ANKFN1: variants seen among roughly 807,000 people sequenced by gnomAD.
The protein encoded by ANKFN1 is ankyrin repeat and fibronectin type III domain containing 1, also known as ankyrin repeat and fibronectin type-III domain-containing protein 1.
A neutral mutation model predicts 108.7 loss-of-function variants in ANKFN1; 74 were observed. The ratio of observed to expected loss-of-function variants is 0.68; its 90% CI spans 0.56 to 0.83. The LOEUF (loss-of-function observed/expected upper bound fraction) is 0.83, where lower values mean the gene tolerates loss of function less well. Among genes scored for constraint, ANKFN1 ranks in the 40% least tolerant of loss-of-function variants. The pLI is 0.00. For missense variants in ANKFN1, 1,505 were observed against 1,382.3 expected (o/e 1.09, Z -1.41); for synonymous variants, 547 against 516.2 (o/e 1.06, Z -0.81).
At chr17:56,497,660 C>T (rs560634742) in intron 19 of ANKFN1, among the ~76,000 whole-genome samples, 5 of 152,086 alleles carry the variant, frequency 3.3e-5, no homozygotes, top group Non-Finnish European at 7.4e-5. Context: ...AGAGATTAAC[C>T]TTGCATGACT....
At chr17:56,091,410 C>T (rs1390262566) in intron 4 of ANKFN1, among the ~76,000 whole-genome samples, 2 of 124,728 alleles carry the variant, frequency 1.6e-5, no homozygotes, top group South Asian at 2.6e-4. Context: ...ATTTTTCTTC[C>T]AAACAAATCA....
chr17:56,058,531 T>C (rs972502694), intron 4 of ANKFN1, among the ~76,000 whole-genome samples: 16 of 146,762 alleles, frequency 1.1e-4, no homozygotes, highest in South Asian at 2.1e-4. Context: ...ATAAATAAAC[T>C]TGTGCCATGG....
At chr17:56,117,496 A>G (rs1016937898) in intron 4 of ANKFN1, among the ~76,000 whole-genome samples, 1 of 152,188 alleles carries the variant, frequency 6.6e-6, no homozygotes, top group Admixed American at 6.5e-5. Flanking sequence ...GGGCATTTGC[A>G]AAATCTAATT....
intron 6 of ANKFN1, among the ~76,000 whole-genome samples, chr17:56,372,118 A>C (rs1402134052): frequency 1.3e-5 from 2 of 152,272 alleles, no homozygotes; most frequent in African/African-American, 4.8e-5. Context: ...TTATGCCTCT[A>C]AGATGTACGT....
chr17:56,111,903 C>A (rs1341456410), intron 4 of ANKFN1, among the ~76,000 whole-genome samples: 1 of 152,180 alleles, frequency 6.6e-6, no homozygotes, highest in African/African-American at 2.4e-5. Flanking sequence ...GCGGCACAGC[C>A]TGCTGAACCA....
In ANKFN1 at chr17:56,466,370, A is replaced by G. The variant is rs746488374; in HGVS notation, c.1572A>G (p.Thr524=). 9.9e-6 allele frequency: 16 copies of G among 1,614,200 alleles called. No homozygotes were observed. The highest frequency in any genetic ancestry group is 1.0e-5 in the Non-Finnish European group (12 of 1,180,016). ...ATAQLQNLLG[T]HNLGRVYYEP... The stretch of plus-strand genomic sequence containing the variant: ...TTTGTTTCCAGAATTTACTTGGGAC[A>G]CACAACTTGGGAAGAGTTTACTATG... Residue 524 remains threonine (T), a synonymous_variant, in exon 15 of 21, where the codon ACA becomes ACG. Transcript: ENST00000682825.
At chr17:56,340,851 G>A (rs1341533444) in intron 4 of ANKFN1, among the ~76,000 whole-genome samples, 2 of 152,094 alleles carry the variant, frequency 1.3e-5, no homozygotes, top group African/African-American at 4.8e-5. Context: ...AATGTGAATG[G>A]TAGTTTAATA....
At chr17:56,484,605 C>G (rs954159532) in intron 18 of ANKFN1, among the ~76,000 whole-genome samples, 1 of 152,068 alleles carries the variant, frequency 6.6e-6, no homozygotes, top group Non-Finnish European at 1.5e-5. Context: ...AGTCAACATC[C>G]AAGTGGACAT....
chr17:56,358,238 C>G (rs1259648940), intron 6 of ANKFN1, among the ~76,000 whole-genome samples: 1 of 152,170 alleles, frequency 6.6e-6, no homozygotes, highest in Non-Finnish European at 1.5e-5. Flanking sequence ...TTTCACTATG[C>G]CAACCAAGTA....
At chr17:56,081,559 G>T (rs1348488357) in intron 4 of ANKFN1, among the ~76,000 whole-genome samples, 1 of 152,068 alleles carries the variant, frequency 6.6e-6, no homozygotes, top group Non-Finnish European at 1.5e-5. Flanking sequence ...CACCATGTTG[G>T]TTAGGCTGAT....
intron 3 of ANKFN1, among the ~76,000 whole-genome samples, chr17:56,324,867 G>T (rs895704039): frequency 5.9e-5 from 9 of 152,202 alleles, no homozygotes; most frequent in Admixed American, 1.3e-4. Flanking sequence ...GGCCACCCAG[G>T]TTTTATGAGT....
intron 1 of ANKFN1, among the ~76,000 whole-genome samples, chr17:56,197,629 C>T (rs889036369): frequency 2.6e-5 from 4 of 152,212 alleles, no homozygotes; most frequent in Non-Finnish European, 5.9e-5. Flanking sequence ...TTCTAACTAA[C>T]CTGCTGACTG....
chr17:56,072,942 G>A (rs918708358), intron 4 of ANKFN1, among the ~76,000 whole-genome samples: 2 of 152,084 alleles, frequency 1.3e-5, no homozygotes. Flanking sequence ...TAGAAAGCAG[G>A]ATTTTGGTAC....
At chr17:56,104,255 T>G (rs1905700771) in intron 4 of ANKFN1, among the ~76,000 whole-genome samples, 1 of 152,272 alleles carries the variant, frequency 6.6e-6, no homozygotes, top group Non-Finnish European at 1.5e-5. Context: ...TACTTGCCTT[T>G]GCAAAGCACA....
At chr17:56,293,582 A>G (rs2144323307) in intron 3 of ANKFN1, among the ~76,000 whole-genome samples, 1 of 152,298 alleles carries the variant, frequency 6.6e-6, no homozygotes, top group South Asian at 2.1e-4. Context: ...AGTGTTGGTG[A>G]CTGTGGGACA....
chr17:56,228,115 T>C, intron 3 of ANKFN1, 158 bp downstream of exon 3: 1 of 597,362 alleles, frequency 1.7e-6, no homozygotes, highest in Non-Finnish European at 2.8e-6. Flanking sequence ...TTGTATAACA[T>C]CATGGAACAT....
intron 18 of ANKFN1, among the ~76,000 whole-genome samples, chr17:56,489,577 G>T (rs2050966053): frequency 6.6e-6 from 1 of 152,010 alleles, no homozygotes; most frequent in Admixed American, 6.6e-5. Context: ...ACTGATCCAG[G>T]CTCCCACCAC....
chr17:56,404,075 C>G (rs182244082), intron 8 of ANKFN1, among the ~76,000 whole-genome samples: 13 of 152,234 alleles, frequency 8.5e-5, no homozygotes, highest in South Asian at 2.1e-4. Context: ...CCTGATGCTT[C>G]TGTCTCACAA....
At chr17:56,178,394 T>G (rs1209780388) in intron 1 of ANKFN1, among the ~76,000 whole-genome samples, 1 of 152,220 alleles carries the variant, frequency 6.6e-6, no homozygotes, top group Non-Finnish European at 1.5e-5. Context: ...TAAGCTAATT[T>G]TGCTGATGTA....
Sources: allele counts gnomAD v4.1 joint callset (sites outside exome capture counted in the v4.1 genomes callset), GRCh38; gene constraint gnomAD v4.1.1; transcripts MANE v1.5; gene names NCBI Gene and HGNC (gene_info 2026-07-23, HGNC 2026-07-21).